Variants in CASZ1 observed in about 807,000 individuals in gnomAD.
CASZ1 encodes the protein castor zinc finger 1.
CASZ1 carries 28 observed loss-of-function variants against 135.2 expected under a neutral mutation model. The observed-to-expected ratio is 0.21, with a 90% CI of 0.15 to 0.28. The LOEUF is 0.28. CASZ1 is among the 10% of genes least tolerant of loss of function. The pLI, the probability that CASZ1 is intolerant of heterozygous loss-of-function variation, is 1.00. For synonymous variants in CASZ1, 1,068 were observed against 1,073.4 expected (o/e 0.99, Z 0.10); for missense variants, 2,161 against 2,453.3 (o/e 0.88, Z 2.52).
chr1:10,744,998 C>T (rs892218446), intron 2 of CASZ1, among the ~76,000 whole-genome samples: 3 of 152,134 alleles, frequency 2.0e-5, no homozygotes, highest in Non-Finnish European at 2.9e-5. Flanking sequence ...GATGAGCCTA[C>T]GGAATAGGCC....
intron 1 of CASZ1, among the ~76,000 whole-genome samples, chr1:10,785,112 C>T (rs1640833410): frequency 6.7e-6 from 1 of 148,888 alleles, no homozygotes; most frequent in Non-Finnish European, 1.5e-5. Context: ...TCTTTTCCTT[C>T]CTTCCTTCTT....
At chr1:10,670,933 C>CT (rs1643378927) in intron 4 of CASZ1, among the ~76,000 whole-genome samples, 1 of 152,196 alleles carries the variant, frequency 6.6e-6, no homozygotes, top group Admixed American at 6.5e-5. Flanking sequence ...AGAAGGGCCT[C>CT]TAAGTTCTGT....
intron 1 of CASZ1, among the ~76,000 whole-genome samples, chr1:10,761,494 C>G (rs1249169995): frequency 6.6e-6 from 1 of 152,078 alleles, no homozygotes; most frequent in Non-Finnish European, 1.5e-5. Flanking sequence ...GGGTGTGGGC[C>G]CTTGCCCTGA....
rs1638335936 is a variant in CASZ1, at chr1:10,679,222, GC to G, written c.17-13652del. On this transcript the variant is annotated intron_variant, in intron 4 of 20. Coordinates refer to ENST00000377022, the MANE Select transcript of CASZ1 (RefSeq NM_001079843.3). The surrounding 1 kb of genome is among the most constrained non-coding windows in gnomAD (Gnocchi z 4.7). ...ATGAAAGCATAGGCTGATCCTGGGAGCCTGCTGCCCTGCCAAAGGGCCCCTG... is the reference window on the plus strand; with the variant it reads ...ATGAAAGCATAGGCTGATCCTGGGAGCTGCTGCCCTGCCAAAGGGCCCCTG... Among the ~76,000 whole-genome samples, 1 of 152,224 alleles carries G rather than the reference GC, an allele frequency of 6.6e-6. No individual in the cohort carries two copies. The highest frequency in any genetic ancestry group is 1.5e-5 in the Non-Finnish European group (1 of 68,024).
chr1:10,734,130 C>A (rs1164756912), intron 2 of CASZ1, among the ~76,000 whole-genome samples: 14 of 152,078 alleles, frequency 9.2e-5, no homozygotes, highest in Non-Finnish European at 1.9e-4. Flanking sequence ...GAGGGGACAA[C>A]CCCAGGGCCT....
chr1:10,780,282 G>C (rs1018024143), intron 1 of CASZ1, among the ~76,000 whole-genome samples: 6 of 152,170 alleles, frequency 3.9e-5, no homozygotes, highest in Admixed American at 2.0e-4. Flanking sequence ...AAGCAAGAAG[G>C]AAGTGAGTTA....
intron 4 of CASZ1, among the ~76,000 whole-genome samples, chr1:10,689,729 A>C (rs1343495223): frequency 6.6e-6 from 1 of 152,148 alleles, no homozygotes; most frequent in Non-Finnish European, 1.5e-5. Flanking sequence ...CCACCAAAGA[A>C]AAGGTCCAAA....
chr1:10,792,233 T>A (rs1199472245), intron 1 of CASZ1, among the ~76,000 whole-genome samples: 2 of 147,256 alleles, frequency 1.4e-5, no homozygotes, highest in Non-Finnish European at 3.0e-5. Context: ...TTTTTTTTTT[T>A]AAGTGTGCTC....
At chr1:10,698,402 C>T (rs184287221) in intron 3 of CASZ1, among the ~76,000 whole-genome samples, 5 of 152,230 alleles carry the variant, frequency 3.3e-5, no homozygotes, top group South Asian at 2.1e-4. Context: ...CCAGGGGTCC[C>T]GGTAATCAAA....
In CASZ1 at chr1:10,724,977, T is replaced by G. The variant is rs561540585; in HGVS notation, c.-76-19433A>C. On this transcript the variant is annotated intron_variant, in intron 2 of 20. Transcript: ENST00000377022. The surrounding 1 kb of genome is among the most constrained non-coding windows in gnomAD (Gnocchi z 4.1). ...GAAATAACCTACAAATTACTTAATG[T>G]GTTGTAAATCTGGGGGAATTCAGGA... 3.3e-5 allele frequency among the ~76,000 whole-genome samples: 5 copies of G among 152,332 alleles called. No homozygotes were observed. Among genetic ancestry groups the G allele is most frequent in the Non-Finnish European group, 7.3e-5 (5 of 68,032 alleles).
rs1640902786 is a variant in CASZ1 at position 10,788,768 on chromosome 1, G to A, written c.-234+7796C>T. 6.6e-6 allele frequency among the ~76,000 whole-genome samples: 1 copy of A among 152,108 alleles called. No homozygotes were observed. The highest frequency in any genetic ancestry group is 6.5e-5 in the Admixed American group (1 of 15,282). On this transcript the variant is annotated intron_variant, in intron 1 of 20. Transcript: ENST00000377022. The surrounding 1 kb of genome is among the most constrained non-coding windows in gnomAD (Gnocchi z 4.1). Reference sequence around the variant, plus strand: ...TGGAAGCTGGTCACTGGCAGGGCTGGCCCGGGAGCTGTGCCATGCCCTGGG... The same window carrying A: ...TGGAAGCTGGTCACTGGCAGGGCTGACCCGGGAGCTGTGCCATGCCCTGGG...
intron 4 of CASZ1, among the ~76,000 whole-genome samples, chr1:10,668,953 G>A (rs1378720548): frequency 2.0e-5 from 3 of 152,244 alleles, no homozygotes; most frequent in African/African-American, 7.2e-5. Context: ...AGAGGCCAGA[G>A]GTCTGGGGCA....
intron 1 of CASZ1, among the ~76,000 whole-genome samples, chr1:10,784,088 T>C (rs1056655454): frequency 3.3e-5 from 5 of 152,068 alleles, no homozygotes; most frequent in African/African-American, 9.7e-5. Context: ...ACAAAGGTCC[T>C]AAGTGGGAAA....
intron 1 of CASZ1, among the ~76,000 whole-genome samples, chr1:10,771,473 G>A (rs570685044): frequency 6.6e-6 from 1 of 152,010 alleles, no homozygotes; most frequent in South Asian, 2.1e-4. Context: ...TGTGAGGTAC[G>A]CTGGGTGTTT....
At chr1:10,763,296 G>A (rs1255920088) in intron 1 of CASZ1, among the ~76,000 whole-genome samples, 1 of 152,128 alleles carries the variant, frequency 6.6e-6, no homozygotes, top group Admixed American at 6.5e-5. Flanking sequence ...AAATCACAAC[G>A]GGCTGAGAAC....
rs1408761357 is a variant in CASZ1, at chr1:10,676,905, C to T, written c.17-11334G>A. On this transcript the variant is annotated intron_variant, in intron 4 of 20. Transcript: ENST00000377022. The surrounding 1 kb of genome is among the most constrained non-coding windows in gnomAD (Gnocchi z 4.5). ...GGGCATGCACTCTGTCCGGGCTGAA[C>T]CCCATACTGCCTGGCTCTGCCACTG... Among the ~76,000 whole-genome samples, 3 of 152,238 alleles carry T rather than the reference C, an allele frequency of 2.0e-5. No individual in the cohort carries two copies. The highest frequency in any genetic ancestry group is 1.3e-4 in the Admixed American group (2 of 15,290).
At chr1:10,753,864 T>C (rs1311011533) in intron 2 of CASZ1, among the ~76,000 whole-genome samples, 1 of 152,166 alleles carries the variant, frequency 6.6e-6, no homozygotes, top group Non-Finnish European at 1.5e-5. Flanking sequence ...AATCAGATCA[T>C]GGCACTCAGA....
At chr1:10,656,612 C>T (rs1406624185) in intron 8 of CASZ1, 34 bp downstream of exon 8, 14 of 1,493,754 alleles carry the variant, frequency 9.4e-6, no homozygotes, top group East Asian at 4.7e-5. Context: ...GTGCTGGTGG[C>T]GGAGAGGCGG....
At position 10,660,873 on chromosome 1, in the gene CASZ1, G is replaced by A. The variant is rs116469155; in HGVS notation, c.506-337C>T. 7.8e-3 allele frequency: 2,342 copies of A among 300,992 alleles called. 61 individuals are homozygous for A. The highest frequency in any genetic ancestry group is 0.048 in the African/African-American group (2,197 of 45,670). 18.6% of individuals were successfully genotyped at this position (300,992 alleles called of 1,614,324 possible). On this transcript the variant is annotated intron_variant, in intron 5 of 20. Transcript: ENST00000377022. ...CGCCTTGGCCTAATATGAAAGAGAAGTCATTTTACTGGAAGTAAGGCCAGA... is the reference window on the plus strand; with the variant it reads ...CGCCTTGGCCTAATATGAAAGAGAAATCATTTTACTGGAAGTAAGGCCAGA...
Sources: allele counts gnomAD v4.1 joint callset (sites outside exome capture counted in the v4.1 genomes callset), GRCh38; gene constraint gnomAD v4.1.1; non-coding constraint Gnocchi (gnomAD v3.1); transcripts MANE v1.5; gene names NCBI Gene and HGNC (gene_info 2026-07-23, HGNC 2026-07-21).